Variants in PRKDC observed in about 807,000 individuals in gnomAD.
PRKDC encodes the protein protein kinase, DNA-activated, catalytic subunit.
A neutral mutation model predicts 486.9 loss-of-function variants in PRKDC; 82 were observed. The ratio of observed to expected loss-of-function variants is 0.17; its 90% CI spans 0.14 to 0.20. PRKDC has a LOEUF of 0.20. PRKDC is among the 10% of genes least tolerant of loss of function. The pLI is 1.00. For synonymous variants in PRKDC, 1,895 were observed against 1,837.0 expected, an observed-to-expected ratio of 1.03 and a Z score of -0.81; for missense variants, 4,504 against 5,038.2, an observed-to-expected ratio of 0.89 and a Z score of 3.21.
chr8:47,942,559 A>C (rs894996781), intron 10 of PRKDC, among the ~76,000 whole-genome samples: 1 of 152,180 alleles, frequency 6.6e-6, no homozygotes, highest in African/African-American at 2.4e-5. Context: ...GAATGCAGCT[A>C]CTGTTTACCC....
Position 47,788,920 on chromosome 8 carries a change from T to G in PRKDC, c.10888A>C (p.Arg3630=), listed in dbSNP as rs765038776. The G allele has an allele frequency of 5.6e-6, 9 of 1,595,826 alleles. No individual in the cohort carries two copies. In the South Asian group the frequency reaches 1.0e-4, roughly 18 times the overall value. The change falls in exon 76 of 86, where the codon AGG becomes CGG. Residue 3630 remains arginine (R), a synonymous_variant. Coordinates refer to ENST00000314191, the MANE Select transcript of PRKDC (RefSeq NM_006904.7). The stretch of plus-strand genomic sequence containing the variant: ...CCAGTCCATACCTGAATAAACTTCC[T>G]TCTAAAGGCCCCCAGGCCTGGAGCC... ...PKAPGLGAFR[R]KFIQTFGKEF... is the part of the protein sequence containing the mutation.
At chr8:47,914,793 G>GGA (rs2089961392) in intron 23 of PRKDC, among the ~76,000 whole-genome samples, 1 of 125,784 alleles carries the variant, frequency 8.0e-6, no homozygotes, top group Admixed American at 8.0e-5. Flanking sequence ...AGAGCGAGGG[G>GGA]AAAAAAAAAA....
chr8:47,934,173 T>C (rs1304754560), intron 14 of PRKDC, 83 bp from the exon 15 acceptor site: 2 of 1,456,226 alleles, frequency 1.4e-6, no homozygotes, highest in African/African-American at 2.8e-5. Flanking sequence ...GTTTTCAGAA[T>C]TTTCTAAATT....
At chr8:47,852,939 C>A (rs969474616) in intron 51 of PRKDC, among the ~76,000 whole-genome samples, 155 bp from the exon 52 acceptor site, 7 of 152,326 alleles carry the variant, frequency 4.6e-5, no homozygotes, top group African/African-American at 1.7e-4. Context: ...CAAATGCACA[C>A]ATCAGCATGT....
intron 3 of PRKDC, 66 bp downstream of exon 3, chr8:47,957,104 TC>T: frequency 1.9e-6 from 2 of 1,065,606 alleles, no homozygotes; most frequent in Non-Finnish European, 2.7e-6. Context: ...AAATCCAAGT[TC>T]CTCACACCAT....
rs2086937469 is a variant in PRKDC, at chr8:47,794,193, A to T, written c.10670+97T>A. 5.1e-6 allele frequency: 5 copies of T among 974,330 alleles called. No homozygotes were observed. In the African/African-American group the frequency reaches 8.2e-5, roughly 16 times the overall value. 60.4% of individuals were successfully genotyped at this position (974,330 alleles called of 1,614,324 possible). ...TTATTCTTCAATGACAACTCTAATT[A>T]ATTTGAAAACAAATGTAGTGTCCAC... is the stretch of plus-strand genomic sequence containing the variant. On this transcript the variant is annotated intron_variant, in intron 74 of 85. Coordinates refer to ENST00000314191, the MANE Select transcript of PRKDC (RefSeq NM_006904.7).
At position 47,904,648 on chromosome 8, in the gene PRKDC, G is replaced by A. The variant is rs181221827; in HGVS notation, c.3042+221C>T. On this transcript the variant is annotated intron_variant, in intron 26 of 85. Transcript: ENST00000314191. ...CTCTGATTGAAATACAAAAAATTAG[G>A]CAGGCATGGTGGTGTGCACCTGTAG... Among the ~76,000 whole-genome samples, 4 of 152,260 alleles carry A rather than the reference G, an allele frequency of 2.6e-5. No homozygotes were observed. In the East Asian group the frequency reaches 7.8e-4, roughly 30 times the overall value.
intron 21 of PRKDC, 51 bp downstream of exon 21, chr8:47,927,143 C>G: frequency 1.3e-6 from 2 of 1,554,782 alleles, no homozygotes; most frequent in South Asian, 1.2e-5. Context: ...ATTATAGTTA[C>G]TCCATTTCCA....
At chr8:47,888,805 G>A (rs1336806333) in intron 33 of PRKDC, among the ~76,000 whole-genome samples, 155 bp from the exon 34 acceptor site, 1 of 152,212 alleles carries the variant, frequency 6.6e-6, no homozygotes, top group Non-Finnish European at 1.5e-5. Flanking sequence ...CAAACATGGC[G>A]CTAACCATGT....
intron 65 of PRKDC, 126 bp downstream of exon 65, chr8:47,821,478 C>A (rs1323913961): frequency 2.1e-5 from 18 of 848,110 alleles, no homozygotes; most frequent in Non-Finnish European, 3.2e-5. Flanking sequence ...TAGGTGGACT[C>A]AGGTCATGCA....
chr8:47,781,559 T>C lies in PRKDC; in HGVS notation c.11489+603A>G, dbSNP rs563912273. Among the ~76,000 whole-genome samples, 5 of 152,326 alleles carry C rather than the reference T, an allele frequency of 3.3e-5. No individual in the cohort carries two copies. The East Asian group carries it at 7.7e-4, about 23-fold the overall frequency. On this transcript the variant is annotated intron_variant, in intron 80 of 85. Transcript: ENST00000314191. ...GTCAACCCTCAAAATGTTTCTCATG[T>C]TGTCCTTGTTTTTCTTTACAAAAAC...
At chr8:47,787,421 C>A (rs1425703690) in intron 76 of PRKDC, among the ~76,000 whole-genome samples, 2 of 152,216 alleles carry the variant, frequency 1.3e-5, no homozygotes, top group African/African-American at 4.8e-5. Flanking sequence ...TCAGCATCAT[C>A]CTATCTGAAA....
chr8:47,827,172 T>A, intron 62 of PRKDC, among the ~76,000 whole-genome samples: 2 of 130,960 alleles, frequency 1.5e-5, no homozygotes, highest in African/African-American at 2.8e-5. Context: ...ACACGTAAAT[T>A]AGAAACCAAT....
At chr8:47,952,682 C>T (rs1041795280) in intron 7 of PRKDC, among the ~76,000 whole-genome samples, 1 of 151,634 alleles carries the variant, frequency 6.6e-6, no homozygotes, top group Non-Finnish European at 1.5e-5. Context: ...ATAATGATAC[C>T]CTGTCTCAAT....
chr8:47,898,036 T>C (rs2089613147), intron 29 of PRKDC, among the ~76,000 whole-genome samples: 2 of 152,190 alleles, frequency 1.3e-5, no homozygotes, highest in African/African-American at 4.8e-5. Flanking sequence ...CCAGCCTTGG[T>C]TGGCTCTAAG....
At chr8:47,923,813 A>C (rs1396442294) in intron 21 of PRKDC, among the ~76,000 whole-genome samples, 1 of 152,122 alleles carries the variant, frequency 6.6e-6, no homozygotes. Flanking sequence ...CCTGCCAACA[A>C]CCTAGATGGG....
chr8:47,917,322 T>G (rs1230765124), intron 22 of PRKDC, among the ~76,000 whole-genome samples: 2 of 152,208 alleles, frequency 1.3e-5, no homozygotes, highest in Admixed American at 6.5e-5. Context: ...ATTTATTTTA[T>G]CCTGCTGTGC....
chr8:47,829,135 A>G (rs967042207), intron 61 of PRKDC, among the ~76,000 whole-genome samples: 4 of 152,244 alleles, frequency 2.6e-5, no homozygotes, highest in Non-Finnish European at 5.9e-5. Context: ...TAAGTTTTCT[A>G]TCATATTATA....
chr8:47,878,362 C>T (rs1314056005), intron 39 of PRKDC, among the ~76,000 whole-genome samples: 2 of 152,172 alleles, frequency 1.3e-5, no homozygotes, highest in Non-Finnish European at 2.9e-5. Flanking sequence ...TCCTCGGCCA[C>T]CCAAAGTGCT....
Sources: allele counts gnomAD v4.1 joint callset (sites outside exome capture counted in the v4.1 genomes callset), GRCh38; gene constraint gnomAD v4.1.1; transcripts MANE v1.5; gene names NCBI Gene and HGNC (gene_info 2026-07-23, HGNC 2026-07-21).